The following BICRAL variants were observed in gnomAD, a reference collection of about 807,000 sequenced individuals.
BICRAL encodes the protein BICRA like chromatin remodeling complex associated protein.
A neutral mutation model predicts 91.8 loss-of-function variants in BICRAL; 8 were observed. That is an observed-to-expected ratio of 0.09 (90% CI 0.05 to 0.16). The LOEUF (loss-of-function observed/expected upper bound fraction) is 0.16, where lower values mean the gene tolerates loss of function less well. Ranked by LOEUF, BICRAL falls within the 10% of genes least tolerant of loss-of-function variation. The pLI, the probability that BICRAL is intolerant of heterozygous loss-of-function variation, is 1.00. For synonymous variants in BICRAL, 445 were observed against 491.1 expected (o/e 0.91, Z 1.24); for missense variants, 1,038 against 1,310.9 (o/e 0.79, Z 3.21).
chr6:42,854,924 A>G (rs1161460416), intron 8 of BICRAL, among the ~76,000 whole-genome samples: 1 of 152,124 alleles, frequency 6.6e-6, no homozygotes, highest in African/African-American at 2.4e-5. Context: ...AAAGATTTCA[A>G]ACTACTAGTC....
chr6:42,857,546 C>A lies in BICRAL; in HGVS notation c.2254+310C>A, dbSNP rs191498347. 8.6e-4 allele frequency among the ~76,000 whole-genome samples: 126 copies of A among 147,268 alleles called. 1 individual carries two copies. The highest frequency in any genetic ancestry group is 6.1e-3 in the Admixed American group (89 of 14,486). On this transcript the variant is annotated intron_variant, in intron 10 of 12. Coordinates refer to ENST00000314073, the MANE Select transcript of BICRAL (RefSeq NM_001393499.1). ...GAGACTATAGTGTGCTATGATCACG[C>A]CTGTAAATAGCCATTGCACTCCTGC...
At chr6:42,798,108 T>C (rs1370666199) in intron 1 of BICRAL, among the ~76,000 whole-genome samples, 3 of 152,036 alleles carry the variant, frequency 2.0e-5, no homozygotes, top group Non-Finnish European at 1.5e-5. Context: ...AAATACCACA[T>C]GTTCTCACTA....
intron 1 of BICRAL, among the ~76,000 whole-genome samples, chr6:42,775,957 A>C (rs1458604318): frequency 6.6e-6 from 1 of 152,248 alleles, no homozygotes; most frequent in East Asian, 1.9e-4. Flanking sequence ...AACAACAACC[A>C]CAACAATAAT....
chr6:42,852,150 G>A lies in BICRAL; in HGVS notation c.1898G>A (p.Gly633Asp). 1 of 1,613,712 alleles carries A rather than the reference G, an allele frequency of 6.2e-7. No individual in the cohort carries two copies. Among genetic ancestry groups the A allele is most frequent in the South Asian group, 1.1e-5 (1 of 91,070 alleles). ...ATTTCTGCTCCCAAGACCACAGACG[G>A]CCTGAGGCAAGCACAGATCCCTGGG... The part of the protein sequence containing the change: ...SPISAPKTTD[G>D]LRQAQIPGLL... Residue 633 changes from glycine to aspartate, a missense_variant, in exon 7 of 13, where the codon GGC (glycine) becomes GAC (aspartate). Coordinates refer to ENST00000314073, the MANE Select transcript of BICRAL (RefSeq NM_001393499.1).
intron 1 of BICRAL, among the ~76,000 whole-genome samples, chr6:42,761,502 G>A (rs932141962): frequency 6.6e-6 from 1 of 152,122 alleles, no homozygotes; most frequent in African/African-American, 2.4e-5. Context: ...CTGTGACATT[G>A]GAAATGATAT....
chr6:42,829,783 C>T lies in BICRAL; in HGVS notation c.1450C>T (p.Pro484Ser), dbSNP rs1764419391. ...GCAGACATTTGCTGCCTCTGGAAGT[C>T]CAGTGATAGCCAATCATGCCTCTCC... ...SGQTFAASGS[P>S]VIANHASPQL... The change falls in exon 6 of 13, where the codon CCA (proline) becomes TCA (serine). Residue 484 changes from proline to serine, a missense_variant. Pro to Ser is a moderately conservative substitution (Grantham distance 74). Around this residue, in one of 5 missense-constraint regions of BICRAL, gnomAD observed 532 missense variants for 724.9 expected, o/e 0.73. Coordinates refer to ENST00000314073, the MANE Select transcript of BICRAL (RefSeq NM_001393499.1). 6.2e-7 allele frequency: 1 copy of T among 1,614,182 alleles called. No homozygotes were observed.
chr6:42,818,176 T>C lies in BICRAL; in HGVS notation c.-5-3842T>C, dbSNP rs116469046. 7.1e-3 allele frequency among the ~76,000 whole-genome samples: 1,079 copies of C among 152,258 alleles called. 5 individuals are homozygous for C. The highest frequency in any genetic ancestry group is 0.023 in the African/African-American group (952 of 41,556). ...CTGCTAGCAGAATCCTTCATCCAAC[T>C]TTTCTGTCTTTGCCAATCTGACAGG... On this transcript the variant is annotated intron_variant, in intron 2 of 12. Coordinates refer to ENST00000314073, the MANE Select transcript of BICRAL (RefSeq NM_001393499.1).
intron 2 of BICRAL, among the ~76,000 whole-genome samples, chr6:42,814,236 T>G (rs911412400): frequency 6.0e-5 from 7 of 115,986 alleles, no homozygotes; most frequent in African/African-American, 2.6e-4. Flanking sequence ...TCTTGGTGGG[T>G]TTTTTTTTTT....
chr6:42,828,484 T>TG lies in BICRAL; in HGVS notation c.160-9_160-8insG. 6.3e-7 allele frequency: 1 copy of TG among 1,598,490 alleles called. No homozygotes were observed. The highest frequency in any genetic ancestry group is 8.5e-7 in the Non-Finnish European group (1 of 1,172,716). ...CATATGCCATGTAACATACTGTTTA[T>TG]TTTTTTAGAATGCTGATCCTAAGTC... On this transcript the variant is annotated splice_polypyrimidine_tract_variant and intron_variant, in intron 5 of 12. Coordinates refer to ENST00000314073, the MANE Select transcript of BICRAL (RefSeq NM_001393499.1).
rs77842800 is a variant in BICRAL, at chr6:42,813,466, A to G, written c.-6+3065A>G. Among the ~76,000 whole-genome samples the G allele has an allele frequency of 2.9e-3, 443 of 152,334 alleles. 1 individual carries two copies. Among genetic ancestry groups the G allele is most frequent in the African/African-American group, 8.6e-3 (358 of 41,586 alleles). On this transcript the variant is annotated intron_variant, in intron 2 of 12. Coordinates refer to ENST00000314073, the MANE Select transcript of BICRAL (RefSeq NM_001393499.1). Reference sequence around the variant, plus strand: ...AGAACTGAAAGGAAAAAAACTCATCAATCTTGAACAATATGCCCAGTGAAA... The same window carrying G: ...AGAACTGAAAGGAAAAAAACTCATCGATCTTGAACAATATGCCCAGTGAAA...
chr6:42,773,476 C>T (rs1250518638), intron 1 of BICRAL, among the ~76,000 whole-genome samples: 2 of 152,074 alleles, frequency 1.3e-5, no homozygotes, highest in Non-Finnish European at 2.9e-5. Context: ...CCTAGGCCTC[C>T]TAAAGTACTG....
At chr6:42,791,154 T>A (rs1271331399) in intron 1 of BICRAL, among the ~76,000 whole-genome samples, 1 of 151,866 alleles carries the variant, frequency 6.6e-6, no homozygotes, top group African/African-American at 2.4e-5. Context: ...TGGTTTGTTG[T>A]TTTCTCTTCC....
intron 7 of BICRAL, 84 bp downstream of exon 7, chr6:42,852,281 C>G (rs1765208872): frequency 1.2e-6 from 1 of 818,526 alleles, no homozygotes; most frequent in Non-Finnish European, 2.1e-6. Flanking sequence ...TGCACGAAAG[C>G]TTTCTGGCTT....
At chr6:42,776,867 T>C (rs1011724317) in intron 1 of BICRAL, among the ~76,000 whole-genome samples, 1 of 152,188 alleles carries the variant, frequency 6.6e-6, no homozygotes, top group African/African-American at 2.4e-5. Flanking sequence ...AACTGGGCAA[T>C]GGTTTTACAT....
intron 1 of BICRAL, among the ~76,000 whole-genome samples, chr6:42,763,412 G>A (rs1762583974): frequency 6.6e-6 from 1 of 152,198 alleles, no homozygotes; most frequent in African/African-American, 2.4e-5. Flanking sequence ...CCTGGCAGTT[G>A]AAAGTTAAAT....
chr6:42,813,919 T>A (rs749619155), intron 2 of BICRAL, among the ~76,000 whole-genome samples: 9 of 152,072 alleles, frequency 5.9e-5, no homozygotes, highest in Admixed American at 1.3e-4. Context: ...AGGAAAATGA[T>A]ACCAGATGGA....
intron 1 of BICRAL, among the ~76,000 whole-genome samples, chr6:42,784,288 G>A (rs1428167404): frequency 6.6e-6 from 1 of 152,166 alleles, no homozygotes; most frequent in African/African-American, 2.4e-5. Flanking sequence ...TCTGTTGGTA[G>A]TATCTATTAG....
At chr6:42,818,129 A>G (rs1382835089) in intron 2 of BICRAL, among the ~76,000 whole-genome samples, 1 of 152,108 alleles carries the variant, frequency 6.6e-6, no homozygotes, top group Non-Finnish European at 1.5e-5. Flanking sequence ...TCAGTGTATA[A>G]AAGTTCCTAT....
In BICRAL at chr6:42,828,851, T is replaced by C. The variant is rs1177782251; in HGVS notation, c.518T>C (p.Val173Ala). 2.5e-6 allele frequency: 4 copies of C among 1,614,188 alleles called. No individual in the cohort carries two copies. Among genetic ancestry groups the C allele is most frequent in the East Asian group, 2.2e-5 (1 of 44,888 alleles). The change falls in exon 6 of 13, where the codon GTT becomes GCT. Residue 173 changes from valine (V) to alanine (A), a missense_variant. Transcript: ENST00000314073. The part of the protein sequence containing the change: ...LQPIGVTHVP[V>A]GASFASNTVG... ...CCTATAGGGGTGACGCATGTGCCTG[T>C]TGGAGCATCGTTTGCAAGCAATACA...
Sources: gnomAD v4.1 joint callset for allele counts (sites outside exome capture counted in the v4.1 genomes callset) on GRCh38, gnomAD v4.1.1 for gene constraint, gnomAD v4.1.1 regional missense constraint, MANE v1.5 for transcripts, NCBI Gene and HGNC (gene_info 2026-07-23, HGNC 2026-07-21) for gene names.